The following JADE3 variants were observed in gnomAD, a reference collection of about 807,000 sequenced individuals.
JADE3 encodes protein Jade-3.
In JADE3, 2 loss-of-function variants were observed where a neutral mutation model predicts 50.1. The observed-to-expected ratio is 0.04, with a 90% CI of 0.02 to 0.13. The LOEUF is 0.13. Ranked by LOEUF, JADE3 falls within the 10% of genes least tolerant of loss-of-function variation. JADE3 has a pLI of 1.00. For missense variants in JADE3, 475 were observed against 634.4 expected, an observed-to-expected ratio of 0.75 and a Z score of 2.70; for synonymous variants, 218 against 232.9, an observed-to-expected ratio of 0.94 and a Z score of 0.58.
intron 1 of JADE3, among the ~76,000 whole-genome samples, chrX:46,919,953 TGTA>T (rs1926186218): frequency 9.0e-6 from 1 of 110,732 alleles, no homozygotes; most frequent in Non-Finnish European, 1.9e-5. Context: ...GAGTATTGCT[TGTA>T]GTAGCAAAAG....
At chrX:46,991,636 G>A (rs781861362) in intron 3 of JADE3, among the ~76,000 whole-genome samples, 152 of 111,684 alleles carry the variant, frequency 1.4e-3, no homozygotes, top group Non-Finnish European at 2.3e-3. Flanking sequence ...AAAGAACTAC[G>A]AGTCTGTTTT....
intron 8 of JADE3, among the ~76,000 whole-genome samples, chrX:47,042,479 TG>T (rs1880794294): frequency 8.9e-6 from 1 of 111,847 alleles, no homozygotes; most frequent in Admixed American, 9.5e-5. Flanking sequence ...AACATTCTGG[TG>T]TAAGTTTCTC....
At chrX:46,998,036 G>A (rs1928173771) in intron 3 of JADE3, 84 bp from the exon 4 acceptor site, 3 of 773,123 alleles carry the variant, frequency 3.9e-6, no homozygotes, top group South Asian at 2.9e-5. Context: ...GAGTGGATGG[G>A]GATGGTCTTT....
At chrX:46,977,877 G>A (rs1342551930) in intron 1 of JADE3, among the ~76,000 whole-genome samples, 11 of 111,636 alleles carry the variant, frequency 9.9e-5, no homozygotes, top group African/African-American at 3.6e-4. Context: ...CCCAGTTCTT[G>A]GGAAGAGAGG....
intron 7 of JADE3, among the ~76,000 whole-genome samples, chrX:47,038,111 G>A (rs1360919875): frequency 2.7e-5 from 3 of 111,605 alleles, no homozygotes; most frequent in Non-Finnish European, 5.6e-5. Flanking sequence ...CCACGTTGTT[G>A]GAAATGACAG....
intron 4 of JADE3, among the ~76,000 whole-genome samples, chrX:47,001,006 C>T (rs1463580311): frequency 8.9e-6 from 1 of 111,852 alleles, no homozygotes; most frequent in African/African-American, 3.2e-5. Context: ...GTTGGTAAAT[C>T]TCTTCTGTTT....
chrX:46,988,627 G>C (rs1556355194), intron 3 of JADE3, among the ~76,000 whole-genome samples: 1 of 111,309 alleles, frequency 9.0e-6, no homozygotes, highest in African/African-American at 3.3e-5. Context: ...AATTGAACAG[G>C]GGCTGGGAAC....
chrX:47,041,892 G>A (rs1472572729), intron 8 of JADE3, among the ~76,000 whole-genome samples: 2 of 109,664 alleles, frequency 1.8e-5, no homozygotes, highest in African/African-American at 6.7e-5. Flanking sequence ...GGCCAGGCTG[G>A]TCTCGAACCT....
In JADE3 at chrX:47,006,172, TA is replaced by T. The variant is rs1247648683; in HGVS notation, c.284+7904del. Among the ~76,000 whole-genome samples, 469 of 110,658 alleles carry T rather than the reference TA, an allele frequency of 4.2e-3. 3 individuals are homozygous for T. The highest frequency in any genetic ancestry group is 0.014 in the African/African-American group (424 of 30,575). ...AATTGTGAACATACTTGAAATAAGT[TA>T]AAAAAAAATAGTATCCCTCTTTCAT... On this transcript the variant is annotated intron_variant, in intron 4 of 10. Transcript: ENST00000614628.
chrX:47,015,567 G>C (rs1296003960), intron 4 of JADE3, among the ~76,000 whole-genome samples: 1 of 90,238 alleles, frequency 1.1e-5, no homozygotes, highest in Non-Finnish European at 2.0e-5. Context: ...CTGAGTGACA[G>C]AGCAAGACTG....
chrX:47,006,098 A>G (rs1928410471), intron 4 of JADE3, among the ~76,000 whole-genome samples: 1 of 112,168 alleles, frequency 8.9e-6, no homozygotes, highest in African/African-American at 3.2e-5. Flanking sequence ...ATATTAGAAT[A>G]GTTTAACGAA....
At chrX:47,012,145 G>C (rs983517129) in intron 4 of JADE3, among the ~76,000 whole-genome samples, 8 of 111,651 alleles carry the variant, frequency 7.2e-5, no homozygotes, top group Non-Finnish European at 1.5e-4. Flanking sequence ...TTTTTTAAAC[G>C]GGCAGTCTTT....
chrX:46,969,134 G>T (rs191973289), intron 1 of JADE3, among the ~76,000 whole-genome samples: 1 of 112,571 alleles, frequency 8.9e-6, no homozygotes, highest in Admixed American at 9.3e-5. Context: ...ACAGAAAGAC[G>T]GCTGGGTGTG....
intron 1 of JADE3, among the ~76,000 whole-genome samples, chrX:46,984,221 C>T (rs1556353839): frequency 8.9e-6 from 1 of 112,118 alleles, no homozygotes; most frequent in Admixed American, 9.5e-5. Flanking sequence ...CTGTCATTGG[C>T]CATACTCAGG....
intron 1 of JADE3, among the ~76,000 whole-genome samples, chrX:46,916,683 A>G (rs1214837278): frequency 8.9e-6 from 1 of 112,150 alleles, no homozygotes; most frequent in African/African-American, 3.2e-5. Flanking sequence ...ATTCTCCAAG[A>G]TTTTCATTTA....
chrX:47,024,642 C>T (rs1928867528), intron 4 of JADE3, 82 bp from the exon 5 acceptor site: 1 of 571,258 alleles, frequency 1.8e-6, no homozygotes, highest in Non-Finnish European at 2.8e-6. Context: ...CCATACCTCC[C>T]AGAGGGCATT....
chrX:46,914,760 C>T (rs1336721917), intron 1 of JADE3, among the ~76,000 whole-genome samples: 3 of 112,237 alleles, frequency 2.7e-5, no homozygotes, highest in Non-Finnish European at 5.6e-5. Context: ...TCTCTCCCCT[C>T]TTCTCTGAGT....
At chrX:46,930,637 T>C (rs1016244234) in intron 1 of JADE3, among the ~76,000 whole-genome samples, 1 of 111,617 alleles carries the variant, frequency 9.0e-6, no homozygotes, top group Non-Finnish European at 1.9e-5. Flanking sequence ...ACAACCAAAC[T>C]TCCCAGTCCT....
intron 1 of JADE3, among the ~76,000 whole-genome samples, chrX:46,971,111 T>G (rs2079758299): frequency 3.3e-5 from 2 of 61,184 alleles, no homozygotes; most frequent in African/African-American, 4.4e-5. Flanking sequence ...AGTTGAAATT[T>G]TTTTTTTTTT....
Sources: allele counts gnomAD v4.1 joint callset (sites outside exome capture counted in the v4.1 genomes callset), GRCh38; gene constraint gnomAD v4.1.1; transcripts MANE v1.5; gene names NCBI Gene and HGNC (gene_info 2026-07-23, HGNC 2026-07-21).